SGCD: variants seen among roughly 807,000 people sequenced by gnomAD.
SGCD encodes the protein delta-sarcoglycan.
Under a neutral mutation model 36.6 loss-of-function variants are expected in SGCD, and 18 were observed. The observed-to-expected ratio is 0.49, with a 90% CI of 0.34 to 0.73. The LOEUF is 0.73. Among genes scored for constraint, SGCD ranks in the 30% least tolerant of loss-of-function variants. The pLI, the probability that SGCD is intolerant of heterozygous loss-of-function variation, is 0.01. For missense variants in SGCD, 387 were observed against 346.7 expected (o/e 1.12, Z -0.92); for synonymous variants, 133 against 130.6 (o/e 1.02, Z -0.12).
chr5:156,742,017 A>G (rs1756701552), intron 7 of SGCD, among the ~76,000 whole-genome samples: 1 of 152,066 alleles, frequency 6.6e-6, no homozygotes, highest in South Asian at 2.1e-4. Flanking sequence ...CTGGGACAAC[A>G]GGCACCCACC....
chr5:156,322,318 G>T (rs1003013727), upstream of SGCD, among the ~76,000 whole-genome samples: 1 of 152,112 alleles, frequency 6.6e-6, no homozygotes, highest in African/African-American at 2.4e-5. Context: ...TGGGTTATAT[G>T]CATGTTCCTG....
At chr5:156,353,363 G>A (rs1419100269) in intron 3 of SGCD, among the ~76,000 whole-genome samples, 4 of 152,126 alleles carry the variant, frequency 2.6e-5, no homozygotes, top group Non-Finnish European at 5.9e-5. Context: ...AATGAGATGA[G>A]TGCTTGAATT....
At chr5:155,975,514 T>A (rs1758093827) in intron 1 of SGCD, among the ~76,000 whole-genome samples, 1 of 152,020 alleles carries the variant, frequency 6.6e-6, no homozygotes, top group Non-Finnish European at 1.5e-5. Context: ...TTGAAGAGTT[T>A]ACTTGTTTGT....
intron 3 of SGCD, among the ~76,000 whole-genome samples, chr5:156,258,711 C>T (rs531350440): frequency 2.0e-4 from 31 of 152,160 alleles, no homozygotes; most frequent in African/African-American, 5.5e-4. Flanking sequence ...TGTAAAAATG[C>T]AAAATGTTTT....
At position 156,045,081 on chromosome 5, in the gene SGCD, T is replaced by C. The variant is rs554495460; in HGVS notation, c.-281-72797T>C. Among the ~76,000 whole-genome samples, 3 of 152,256 alleles carry C rather than the reference T, an allele frequency of 2.0e-5. No individual in the cohort carries two copies. In the South Asian group the frequency reaches 6.2e-4, roughly 32 times the overall value. ...CATGGCAGAAGTGCAAGTGAACATT[T>C]GAGACAGAAAGAGAATTGGGGACAT... On this transcript the variant is annotated intron_variant, in intron 1 of 9. Coordinates refer to the SGCD transcript ENST00000517913.
chr5:156,620,743 G>A (rs761677305), intron 6 of SGCD, among the ~76,000 whole-genome samples: 8 of 152,160 alleles, frequency 5.3e-5, no homozygotes, highest in Admixed American at 1.3e-4. Flanking sequence ...AGCACATTTG[G>A]ATTTCTTTAT....
chr5:156,695,164 T>TG (rs1480023695), intron 7 of SGCD, among the ~76,000 whole-genome samples: 13 of 148,898 alleles, frequency 8.7e-5, no homozygotes, highest in African/African-American at 3.2e-4. Context: ...GTGTGTTGGT[T>TG]AATTTTATGT....
intron 4 of SGCD, among the ~76,000 whole-genome samples, chr5:156,528,268 T>A (rs1359910236): frequency 1.3e-5 from 2 of 152,212 alleles, no homozygotes; most frequent in African/African-American, 4.8e-5. Context: ...ATAATAGCAC[T>A]ATCTCATAAG....
At chr5:155,842,245 T>TG in the SGCD span, among the ~76,000 whole-genome samples, 7 of 106,930 alleles carry the variant, frequency 6.5e-5, no homozygotes, top group Admixed American at 3.5e-4. Flanking sequence ...TCATTTGAGG[T>TG]GTTTTTTTTT....
chr5:156,427,971 T>C (rs1299603658), intron 3 of SGCD, among the ~76,000 whole-genome samples: 2 of 152,160 alleles, frequency 1.3e-5, no homozygotes, highest in Non-Finnish European at 2.9e-5. Flanking sequence ...GTGTCTGTGT[T>C]CATCAGGGAT....
intron 1 of SGCD, among the ~76,000 whole-genome samples, chr5:155,980,838 A>T (rs1758213481): frequency 6.6e-6 from 1 of 152,168 alleles, no homozygotes; most frequent in African/African-American, 2.4e-5. Context: ...GGAAGGTATT[A>T]GTCCTACATG....
At chr5:156,540,003 T>C (rs1283752558) in intron 4 of SGCD, among the ~76,000 whole-genome samples, 1 of 152,158 alleles carries the variant, frequency 6.6e-6, no homozygotes, top group Non-Finnish European at 1.5e-5. Flanking sequence ...ACTAAGTGAA[T>C]ACACTTTCTC....
intron 4 of SGCD, among the ~76,000 whole-genome samples, chr5:156,549,803 T>C (rs1758719920): frequency 6.6e-6 from 1 of 152,226 alleles, no homozygotes; most frequent in South Asian, 2.1e-4. Flanking sequence ...TGTCTAACCA[T>C]GGTACCCAAA....
intron 3 of SGCD, among the ~76,000 whole-genome samples, chr5:156,399,597 G>A (rs1772038622): frequency 6.6e-6 from 1 of 152,188 alleles, no homozygotes; most frequent in Non-Finnish European, 1.5e-5. Context: ...GCTGGAGGCA[G>A]ATGCTTTAGT....
chr5:156,651,577 T>C (rs1016287974), intron 7 of SGCD, among the ~76,000 whole-genome samples: 1 of 152,122 alleles, frequency 6.6e-6, no homozygotes, highest in Non-Finnish European at 1.5e-5. Context: ...CATGCTTATT[T>C]TTGTTGACTT....
intron 3 of SGCD, among the ~76,000 whole-genome samples, chr5:156,306,031 G>T (rs1331128167): frequency 6.6e-6 from 1 of 152,182 alleles, no homozygotes; most frequent in African/African-American, 2.4e-5. Context: ...CAAGGGACTT[G>T]CCTTGTCCCA....
intron 6 of SGCD, among the ~76,000 whole-genome samples, chr5:156,632,456 G>A (rs925080245): frequency 2.6e-5 from 4 of 152,202 alleles, no homozygotes; most frequent in Non-Finnish European, 4.4e-5. Context: ...TTATTTTGAA[G>A]ACCTTTCTTT....
intron 3 of SGCD, among the ~76,000 whole-genome samples, chr5:156,261,628 A>G (rs925169731): frequency 6.6e-6 from 1 of 152,214 alleles, no homozygotes; most frequent in Non-Finnish European, 1.5e-5. Context: ...TTCTATTTAT[A>G]TATAAAAAAG....
At chr5:156,213,379 A>C (rs1012176483) in intron 3 of SGCD, among the ~76,000 whole-genome samples, 2 of 152,032 alleles carry the variant, frequency 1.3e-5, no homozygotes, top group Non-Finnish European at 2.9e-5. Context: ...GAAATGGATA[A>C]ATTCCAAGAA....
Sources: allele counts gnomAD v4.1 joint callset (sites outside exome capture counted in the v4.1 genomes callset), GRCh38; gene constraint gnomAD v4.1.1; transcripts MANE v1.5; gene names NCBI Gene and HGNC (gene_info 2026-07-23, HGNC 2026-07-21).